PDE1A: variants seen among roughly 807,000 people sequenced by gnomAD.
PDE1A encodes phosphodiesterase 1A, also known as dual specificity calcium/calmodulin-dependent 3',5'-cyclic nucleotide phosphodiesterase 1A.
A neutral mutation model predicts 61.7 loss-of-function variants in PDE1A; 35 were observed. The ratio of observed to expected loss-of-function variants is 0.57; its 90% confidence interval spans 0.43 to 0.75. The LOEUF is 0.75. PDE1A is among the 30% of genes least tolerant of loss of function. The probability of loss-of-function intolerance (pLI) is 0.00; values close to 1 mark genes in which losing one functional copy is unlikely to be tolerated. For synonymous variants in PDE1A, 232 were observed against 213.2 expected, an observed-to-expected ratio of 1.09 and a Z score of -0.77; for missense variants, 597 against 630.6, an observed-to-expected ratio of 0.95 and a Z score of 0.57.
chr2:182,592,136 A>C, the PDE1A span, among the ~76,000 whole-genome samples: 1 of 152,228 alleles, frequency 6.6e-6, no homozygotes, highest in East Asian at 1.9e-4. Context: ...ATTGCCCCCA[A>C]GCACCTCAGA....
At chr2:182,612,495 C>A in the PDE1A span, among the ~76,000 whole-genome samples, 1 of 152,122 alleles carries the variant, frequency 6.6e-6, no homozygotes, top group African/African-American at 2.4e-5. Context: ...ACACTGAAAT[C>A]TTCTGTTTCT....
chr2:182,711,630 G>C, the PDE1A span, among the ~76,000 whole-genome samples: 1 of 151,932 alleles, frequency 6.6e-6, no homozygotes, highest in South Asian at 2.1e-4. Context: ...AGGCTTCTTA[G>C]AGAAATGGCT....
chr2:182,152,675 C>T (rs992403311), intron 13 of PDE1A, among the ~76,000 whole-genome samples: 5 of 152,082 alleles, frequency 3.3e-5, no homozygotes, highest in Non-Finnish European at 7.4e-5. Flanking sequence ...CCCGCCTCAG[C>T]CTCCCAAAGT....
intron 1 of PDE1A, among the ~76,000 whole-genome samples, chr2:182,337,946 T>C (rs1185391575): frequency 6.6e-6 from 1 of 152,208 alleles, no homozygotes; most frequent in Non-Finnish European, 1.5e-5. Context: ...CATTTGATGT[T>C]CCAGAGCCAT....
the PDE1A span, among the ~76,000 whole-genome samples, chr2:182,631,164 T>C: frequency 6.6e-6 from 1 of 152,130 alleles, no homozygotes; most frequent in African/African-American, 2.4e-5. Flanking sequence ...AGAAAGTCAA[T>C]GGTGTACATT....
intron 2 of PDE1A, among the ~76,000 whole-genome samples, chr2:182,242,883 C>CCTCTCTCTCTCCCTCTCTCTCT (rs1553550661): frequency 7.7e-6 from 1 of 130,164 alleles, no homozygotes; most frequent in East Asian, 2.3e-4. Flanking sequence ...TCCTCTCCTC[C>CCTCTCTCTCTCCCTCTCTCTCT]CTCTCTCTCT....
At chr2:182,589,842 G>C in the PDE1A span, among the ~76,000 whole-genome samples, 28 of 152,050 alleles carry the variant, frequency 1.8e-4, no homozygotes, top group Non-Finnish European at 2.9e-4. Context: ...TCATACCAGT[G>C]GTTAACATAC....
At chr2:182,627,150 T>G in the PDE1A span, among the ~76,000 whole-genome samples, 1,215 of 30,868 alleles carry the variant, frequency 0.039, 3 homozygotes, top group Admixed American at 0.07. Flanking sequence ...TAAATATTAT[T>G]TATATATAAA....
the PDE1A span, among the ~76,000 whole-genome samples, chr2:182,598,571 A>AAC: frequency 6.6e-6 from 1 of 151,780 alleles, no homozygotes; most frequent in African/African-American, 2.4e-5. Flanking sequence ...TCAAAAAAAA[A>AAC]AAAAACAAAA....
intron 3 of PDE1A, among the ~76,000 whole-genome samples, chr2:182,239,444 G>A (rs1022496383): frequency 6.6e-6 from 1 of 151,964 alleles, no homozygotes; most frequent in Admixed American, 6.6e-5. Flanking sequence ...TTAGTTCTAG[G>A]AAATATCTTG....
chr2:182,220,904 G>T (rs1451797363), intron 7 of PDE1A, among the ~76,000 whole-genome samples: 1 of 151,754 alleles, frequency 6.6e-6, no homozygotes, highest in Non-Finnish European at 1.5e-5. Flanking sequence ...ATGTTATATT[G>T]TTGCATTTTG....
intron 2 of PDE1A, among the ~76,000 whole-genome samples, chr2:182,468,808 T>G (rs1489893528): frequency 1.3e-5 from 2 of 151,998 alleles, no homozygotes; most frequent in African/African-American, 4.8e-5. Flanking sequence ...AGAATGGATG[T>G]TGTATGAGCA....
At chr2:182,546,731 T>C in the PDE1A span, among the ~76,000 whole-genome samples, 1 of 152,112 alleles carries the variant, frequency 6.6e-6, no homozygotes, top group African/African-American at 2.4e-5. Context: ...GCCAAACCAA[T>C]ACCAGAGGAA....
exon 15 of PDE1A, chr2:182,140,279 CA>C (rs1306723045): frequency 6.6e-6 from 1 of 152,158 alleles, no homozygotes. Context: ...TGCATATATG[CA>C]CCATGCTTCC....
chr2:182,374,373 C>G (rs56027840), intron 1 of PDE1A, among the ~76,000 whole-genome samples: 2 of 151,892 alleles, frequency 1.3e-5, no homozygotes, highest in Admixed American at 6.6e-5. Context: ...AATTATAAAG[C>G]TTATAAAAGA....
intron 1 of PDE1A, among the ~76,000 whole-genome samples, chr2:182,277,846 G>A (rs1367770551): frequency 2.0e-5 from 3 of 151,894 alleles, no homozygotes; most frequent in Non-Finnish European, 2.9e-5. Flanking sequence ...AAACAATATG[G>A]TATGTAACAC....
chr2:182,317,956 C>T (rs1472362038), intron 1 of PDE1A, among the ~76,000 whole-genome samples: 1 of 152,062 alleles, frequency 6.6e-6, no homozygotes, highest in African/African-American at 2.4e-5. Context: ...GATTATCTAA[C>T]TCTGAAAATT....
At chr2:182,667,294 G>A in the PDE1A span, among the ~76,000 whole-genome samples, 1 of 152,202 alleles carries the variant, frequency 6.6e-6, no homozygotes, top group Non-Finnish European at 1.5e-5. Flanking sequence ...ACAGTAATCA[G>A]AATCTGCCAG....
intron 2 of PDE1A, among the ~76,000 whole-genome samples, chr2:182,493,449 A>G (rs1688519607): frequency 6.6e-6 from 1 of 152,096 alleles, no homozygotes; most frequent in South Asian, 2.1e-4. Context: ...ACCCCGTGAC[A>G]GGCCCCGGTG....
Sources: allele counts gnomAD v4.1 joint callset (sites outside exome capture counted in the v4.1 genomes callset), GRCh38; gene constraint gnomAD v4.1.1; transcripts MANE v1.5; gene names NCBI Gene and HGNC (gene_info 2026-07-23, HGNC 2026-07-21).